Variants in SLCO4A1 observed in about 807,000 individuals in gnomAD.
The protein encoded by SLCO4A1 is colon organic anion transporter.
A neutral mutation model predicts 64.6 loss-of-function variants in SLCO4A1; 51 were observed. The observed-to-expected ratio is 0.79, with a 90% CI of 0.63 to 1.00. The LOEUF (loss-of-function observed/expected upper bound fraction) is 1.00. SLCO4A1 is among the 50% of genes least tolerant of loss of function. The pLI is 0.00. For synonymous variants in SLCO4A1, 471 were observed against 444.9 expected (o/e 1.06, Z -0.74); for missense variants, 919 against 980.5 (o/e 0.94, Z 0.84).
chr20:62,681,197 A>C (rs921455878), intron 2 of SLCO4A1, among the ~76,000 whole-genome samples: 13 of 152,178 alleles, frequency 8.5e-5, no homozygotes, highest in African/African-American at 3.1e-4. Flanking sequence ...TCTTTTCTTT[A>C]AGTTGAAATA....
At chr20:62,643,587 A>G (rs1225299702) in intron 1 of SLCO4A1, among the ~76,000 whole-genome samples, 2 of 152,238 alleles carry the variant, frequency 1.3e-5, no homozygotes, top group African/African-American at 4.8e-5. Context: ...CATCCATGCA[A>G]CCAGCTTGTC....
downstream of SLCO4A1, among the ~76,000 whole-genome samples, chr20:62,675,302 A>C (rs73918617): frequency 8.7e-3 from 1,326 of 152,220 alleles, 18 homozygotes; most frequent in African/African-American, 0.031. Context: ...TGAGGCCACC[A>C]AGCCCAGATT....
At chr20:62,643,628 A>G (rs1244714092) in intron 1 of SLCO4A1, among the ~76,000 whole-genome samples, 1 of 152,224 alleles carries the variant, frequency 6.6e-6, no homozygotes, top group African/African-American at 2.4e-5. Flanking sequence ...GGTTTTTGGA[A>G]CTTGGGTTAC....
At chr20:62,680,378 T>C (rs1010815244) in intron 2 of SLCO4A1, among the ~76,000 whole-genome samples, 43 of 152,212 alleles carry the variant, frequency 2.8e-4, no homozygotes, top group Admixed American at 6.5e-5. Flanking sequence ...TTGCACTGGC[T>C]GGAACCTCCA....
At chr20:62,680,479 T>C (rs1987775474) in intron 2 of SLCO4A1, among the ~76,000 whole-genome samples, 1 of 152,162 alleles carries the variant, frequency 6.6e-6, no homozygotes, top group South Asian at 2.1e-4. Flanking sequence ...TGCCTCTCAA[T>C]GTGAAGTGTG....
In SLCO4A1 at chr20:62,667,922, C is replaced by A. The variant is rs200426333; in HGVS notation, c.1638+12C>A. 12 of 1,613,978 alleles carry A rather than the reference C, an allele frequency of 7.4e-6. No homozygotes were observed. The highest frequency in any genetic ancestry group is 1.0e-5 in the Non-Finnish European group (12 of 1,180,022). ...TGGACGGCCAGAAGGTGAGTGGAGC[C>A]GCTGCCTACCGCCCCTGTCCTCCCC... On this transcript the variant is annotated intron_variant, in intron 8 of 11. Coordinates refer to ENST00000217159, the MANE Select transcript of SLCO4A1 (RefSeq NM_016354.4).
At chr20:62,660,203 G>A (rs748972405) in intron 3 of SLCO4A1, among the ~76,000 whole-genome samples, 11 of 152,218 alleles carry the variant, frequency 7.2e-5, no homozygotes, top group Non-Finnish European at 1.2e-4. Context: ...CATCTGTCTT[G>A]GGGGACAGCT....
At position 62,656,430 on chromosome 20, in the gene SLCO4A1, G is replaced by C; in HGVS notation, c.-25G>C. The C allele has an allele frequency of 1.4e-6, 2 of 1,453,788 alleles. No individual in the cohort carries two copies. The highest frequency in any genetic ancestry group is 1.8e-6 in the Non-Finnish European group (2 of 1,103,146). 90.1% of individuals were successfully genotyped at this position (1,453,788 alleles called of 1,614,324 possible). ...ACTCCCACTGCGTGGCTGAAGCCTC[G>C]AGGTCACCAGGCGGAGGCGCGGAGA... On this transcript the variant is annotated 5_prime_UTR_variant, in exon 2 of 12. Transcript: ENST00000217159.
At chr20:62,660,344 C>A in intron 3 of SLCO4A1, 68 bp from the exon 4 acceptor site, 1 of 1,564,894 alleles carries the variant, frequency 6.4e-7, no homozygotes, top group Non-Finnish European at 8.6e-7. Context: ...CAGCAGCCCC[C>A]AGTGTGTGTG....
At chr20:62,643,036 G>A (rs1337737013) in intron 1 of SLCO4A1, 1 of 470,236 alleles carries the variant, frequency 2.1e-6, no homozygotes, top group Admixed American at 2.4e-5. Context: ...CTGCTGCCGA[G>A]TCAAGGAGGA....
intron 2 of SLCO4A1, among the ~76,000 whole-genome samples, chr20:62,678,532 CTTTTT>C (rs71195465): frequency 7.2e-6 from 1 of 138,704 alleles, no homozygotes. Context: ...CAGCGCTATT[CTTTTT>C]TTTTTTTTTT....
chr20:62,663,583 G>C (rs1438692362), intron 5 of SLCO4A1: 2 of 152,198 alleles, frequency 1.3e-5, no homozygotes, highest in African/African-American at 4.8e-5. Flanking sequence ...CATGACCTGG[G>C]GCTTCAGGAA....
intron 1 of SLCO4A1, among the ~76,000 whole-genome samples, chr20:62,656,062 A>G (rs996003984): frequency 3.3e-5 from 5 of 152,308 alleles, no homozygotes; most frequent in African/African-American, 9.6e-5. Context: ...CACAGCCCTG[A>G]CGCCACACCG....
intron 3 of SLCO4A1, among the ~76,000 whole-genome samples, chr20:62,659,941 C>T (rs904004384): frequency 3.9e-5 from 6 of 152,264 alleles, no homozygotes; most frequent in South Asian, 2.1e-4. Context: ...CTCGCCTTTT[C>T]GTTTGAAAGC....
intron 11 of SLCO4A1, among the ~76,000 whole-genome samples, chr20:62,670,541 C>T (rs916186932): frequency 2.6e-5 from 4 of 152,228 alleles, no homozygotes; most frequent in Non-Finnish European, 5.9e-5. Flanking sequence ...AGTTCCTTGG[C>T]TGGGCTTAGT....
rs1986692561 is a variant in SLCO4A1 at position 62,668,048 on chromosome 20, T to C, written c.1675T>C (p.Ser559Pro). 1.7e-5 allele frequency: 27 copies of C among 1,613,980 alleles called. No homozygotes were observed. Among genetic ancestry groups the C allele is most frequent in the Non-Finnish European group, 2.2e-5 (26 of 1,180,016 alleles). ...RDCSCIPQNL[S>P]SGFGHATAGK... is the part of the protein sequence containing the mutation. ...CTGTAGCTGTATCCCTCAGAATCTT[T>C]CCTCTGGTTTTGGCCATGCCACTGC... Residue 559 changes from serine (S) to proline (P), a missense_variant, in exon 9 of 12, where the codon TCC becomes CCC. Transcript: ENST00000217159.
At chr20:62,680,515 T>C (rs1987777937) in intron 2 of SLCO4A1, among the ~76,000 whole-genome samples, 1 of 152,014 alleles carries the variant, frequency 6.6e-6, no homozygotes. Flanking sequence ...ATTTTTTTAA[T>C]AGAAGCCCTT....
Position 62,661,043 on chromosome 20 carries a change from G to A in SLCO4A1, c.1010-21G>A. On this transcript the variant is annotated intron_variant, in intron 4 of 11. Transcript: ENST00000217159. This position sits in a 1 kb window ranked among gnomAD's most constrained non-coding sequence, Gnocchi z 5.2. Reference sequence around the variant, plus strand: ...CGGGAGCCCCCAGCCCCCAGCCCCAGCTCACTCTGTGCCCTTCCAGGCTCC... The same window carrying A: ...CGGGAGCCCCCAGCCCCCAGCCCCAACTCACTCTGTGCCCTTCCAGGCTCC... 11 of 358,014 alleles carry A rather than the reference G, an allele frequency of 3.1e-5. No homozygotes were observed. Among genetic ancestry groups the A allele is most frequent in the Non-Finnish European group, 5.9e-5 (11 of 186,636 alleles). The allele number at this position is 358,014 out of a possible 1,614,324, so 22.2% of individuals were successfully genotyped here.
chr20:62,657,003 G>A lies in SLCO4A1; in HGVS notation c.549G>A (p.Gly183=), dbSNP rs3195701. ...GGGGCGTGCTGCTTATGGGCACGGG[G>A]TCGCTGGTGTTCGCGCTGCCCCACT... The part of the protein sequence containing the change: ...LGWGVLLMGT[G]SLVFALPHFT... The change falls in exon 2 of 12, where the codon GGG becomes GGA. Residue 183 remains glycine (G), a synonymous_variant. Coordinates refer to ENST00000217159, the MANE Select transcript of SLCO4A1 (RefSeq NM_016354.4). The A allele has an allele frequency of 3.2e-6, 5 of 1,574,542 alleles. No homozygotes were observed. Among genetic ancestry groups the A allele is most frequent in the Non-Finnish European group, 4.3e-6 (5 of 1,155,390 alleles).
Sources: gnomAD v4.1 joint callset for allele counts (sites outside exome capture counted in the v4.1 genomes callset) on GRCh38, gnomAD v4.1.1 for gene constraint, Gnocchi (gnomAD v3.1) non-coding constraint, MANE v1.5 for transcripts, NCBI Gene and HGNC (gene_info 2026-07-23, HGNC 2026-07-21) for gene names.